The following CALD1 variants were observed in gnomAD, a reference collection of about 807,000 sequenced individuals.
CALD1 encodes caldesmon.
CALD1 carries 33 observed loss-of-function variants against 99.9 expected under a neutral mutation model. The ratio of observed to expected loss-of-function variants is 0.33; its 90% CI spans 0.25 to 0.44. The LOEUF is 0.44. Among genes scored for constraint, CALD1 ranks in the 20% least tolerant of loss-of-function variants. The probability of loss-of-function intolerance (pLI) is 1.00; values close to 1 mark genes in which losing one functional copy is unlikely to be tolerated. For missense variants in CALD1, 861 were observed against 962.1 expected (o/e 0.89, Z 1.39); for synonymous variants, 310 against 325.0 (o/e 0.95, Z 0.50).
intron 1 of CALD1, among the ~76,000 whole-genome samples, chr7:134,804,345 T>A (rs1270259586): frequency 2.0e-5 from 3 of 152,256 alleles, no homozygotes; most frequent in Non-Finnish European, 4.4e-5. Context: ...CATTAATGCC[T>A]GCCCCAGGGT....
At chr7:134,854,884 G>A (rs1029228594) in intron 2 of CALD1, among the ~76,000 whole-genome samples, 1 of 152,180 alleles carries the variant, frequency 6.6e-6, no homozygotes, top group Non-Finnish European at 1.5e-5. Context: ...CCTGGTGGGA[G>A]GTGATTGGAT....
intron 7 of CALD1, among the ~76,000 whole-genome samples, chr7:134,942,012 T>C (rs147628675): frequency 1.3e-5 from 2 of 152,260 alleles, no homozygotes; most frequent in East Asian, 3.9e-4. Context: ...TAGAAGAACT[T>C]GAGGTGCAGA....
intron 1 of CALD1, among the ~76,000 whole-genome samples, chr7:134,791,338 A>C (rs576228234): frequency 6.6e-6 from 1 of 152,214 alleles, no homozygotes; most frequent in Non-Finnish European, 1.5e-5. Flanking sequence ...CTGGGATTAT[A>C]GGCACACGCC....
At chr7:134,714,307 A>G in the CALD1 span, among the ~76,000 whole-genome samples, 1 of 152,184 alleles carries the variant, frequency 6.6e-6, no homozygotes, top group Non-Finnish European at 1.5e-5. Flanking sequence ...GCCCAACTGC[A>G]TGGTACCCCA....
intron 1 of CALD1, among the ~76,000 whole-genome samples, chr7:134,770,593 T>C (rs1353707156): frequency 6.6e-6 from 1 of 152,184 alleles, no homozygotes. Context: ...AATCTCCCTG[T>C]CTTTTTCTTA....
chr7:134,879,294 G>C (rs1271175466), intron 3 of CALD1, among the ~76,000 whole-genome samples: 1 of 152,226 alleles, frequency 6.6e-6, no homozygotes, highest in Non-Finnish European at 1.5e-5. Context: ...CTGTGAATCA[G>C]GTTAAAGAGG....
intron 1 of CALD1, among the ~76,000 whole-genome samples, chr7:134,829,657 T>C (rs1799141690): frequency 6.6e-6 from 1 of 152,136 alleles, no homozygotes; most frequent in East Asian, 1.9e-4. Context: ...TTGTAGGCCA[T>C]GGGAAGAGTT....
intron 1 of CALD1, among the ~76,000 whole-genome samples, chr7:134,771,500 C>T (rs1796877517): frequency 6.6e-6 from 1 of 152,182 alleles, no homozygotes; most frequent in South Asian, 2.1e-4. Flanking sequence ...ATTAAATGCT[C>T]TCTCAGCTCC....
intron 1 of CALD1, among the ~76,000 whole-genome samples, chr7:134,756,417 A>T (rs1265687475): frequency 6.6e-6 from 1 of 151,864 alleles, no homozygotes; most frequent in East Asian, 1.9e-4. Flanking sequence ...TATGATTAAA[A>T]TTATATTTGG....
At chr7:134,952,008 T>C (rs767624155) in intron 9 of CALD1, among the ~76,000 whole-genome samples, 6 of 152,190 alleles carry the variant, frequency 3.9e-5, no homozygotes, top group Non-Finnish European at 5.9e-5. Flanking sequence ...GAGAGAATTA[T>C]ACCCAGGTCT....
intron 1 of CALD1, among the ~76,000 whole-genome samples, chr7:134,751,102 T>C (rs537158619): frequency 2.0e-5 from 3 of 152,332 alleles, no homozygotes; most frequent in Admixed American, 6.5e-5. Context: ...CTGGACTAGA[T>C]TGCCCATGTC....
the CALD1 span, among the ~76,000 whole-genome samples, chr7:134,719,790 G>T: frequency 6.6e-6 from 1 of 152,216 alleles, no homozygotes; most frequent in Non-Finnish European, 1.5e-5. Flanking sequence ...TACCTTGGTT[G>T]AGTCTTAAGG....
At chr7:134,805,408 T>C (rs1407163459) in intron 1 of CALD1, among the ~76,000 whole-genome samples, 1 of 152,198 alleles carries the variant, frequency 6.6e-6, no homozygotes, top group East Asian at 1.9e-4. Context: ...TTCTAAGGGT[T>C]CTTTGTTGTT....
At chr7:134,746,779 C>T (rs894826754) in intron 1 of CALD1, among the ~76,000 whole-genome samples, 3 of 152,146 alleles carry the variant, frequency 2.0e-5, no homozygotes, top group African/African-American at 2.4e-5. Context: ...TTATTGAAAA[C>T]GAGAGAAAAG....
chr7:134,825,233 A>T (rs564328594), intron 1 of CALD1, among the ~76,000 whole-genome samples: 1 of 152,296 alleles, frequency 6.6e-6, no homozygotes, highest in African/African-American at 2.4e-5. Context: ...AACATTTATA[A>T]GATGATGGCC....
At chr7:134,791,681 C>CA (rs1193736449) in intron 1 of CALD1, among the ~76,000 whole-genome samples, 2 of 149,000 alleles carry the variant, frequency 1.3e-5, no homozygotes, top group Non-Finnish European at 3.0e-5. Context: ...AAACAAAAAA[C>CA]AAAAAAACCT....
At chr7:134,881,220 GC>G (rs1199035994) in intron 3 of CALD1, among the ~76,000 whole-genome samples, 1 of 152,158 alleles carries the variant, frequency 6.6e-6, no homozygotes. Context: ...TTGGACCCAG[GC>G]TTGTAGAGCA....
intron 1 of CALD1, among the ~76,000 whole-genome samples, chr7:134,813,457 G>A (rs567186439): frequency 1.3e-5 from 2 of 152,210 alleles, no homozygotes; most frequent in Admixed American, 1.3e-4. Context: ...GTAGATAAGA[G>A]AGCATGAAAC....
chr7:134,804,423 C>G (rs1159356828), intron 1 of CALD1, among the ~76,000 whole-genome samples: 2 of 152,090 alleles, frequency 1.3e-5, no homozygotes, highest in East Asian at 1.9e-4. Flanking sequence ...AATTATTTTT[C>G]TTTAAAGAGA....
Sources: gnomAD v4.1 joint callset for allele counts (sites outside exome capture counted in the v4.1 genomes callset) on GRCh38, gnomAD v4.1.1 for gene constraint, MANE v1.5 for transcripts, NCBI Gene and HGNC (gene_info 2026-07-23, HGNC 2026-07-21) for gene names.